ASIC2: variants seen among roughly 807,000 people sequenced by gnomAD.
ASIC2 encodes acid-sensing ion channel 2.
ASIC2 carries 25 observed loss-of-function variants against 57.3 expected under a neutral mutation model. The observed-to-expected ratio is 0.44, with a 90% CI of 0.32 to 0.61. The LOEUF (loss-of-function observed/expected upper bound fraction) is 0.61. Among genes scored for constraint, ASIC2 ranks in the 20% least tolerant of loss-of-function variants. ASIC2 has a pLI of 0.06. For missense variants in ASIC2, 641 were observed against 738.1 expected (o/e 0.87, Z 1.52); for synonymous variants, 319 against 307.5 (o/e 1.04, Z -0.39).
At chr17:33,381,012 G>C (rs558834626) in intron 1 of ASIC2, among the ~76,000 whole-genome samples, 146 of 152,306 alleles carry the variant, frequency 9.6e-4, no homozygotes, top group African/African-American at 3.4e-3. Context: ...TTTTAAAGAA[G>C]AGCTGGAATC....
chr17:33,155,159 C>A (rs950451932), intron 1 of ASIC2, among the ~76,000 whole-genome samples: 11 of 152,230 alleles, frequency 7.2e-5, no homozygotes, highest in Non-Finnish European at 1.0e-4. Context: ...GAGCCTGTAA[C>A]GCATCGAGGA....
intron 1 of ASIC2, among the ~76,000 whole-genome samples, chr17:33,500,666 A>AG (rs1914074020): frequency 2.0e-5 from 3 of 152,316 alleles, no homozygotes; most frequent in Admixed American, 2.0e-4. Flanking sequence ...GAGGATTTCC[A>AG]GGGGGCAGGG....
rs1311695452 is a variant in ASIC2 at position 33,729,992 on chromosome 17, C to T, written c.555+425986G>A. ...GATCTTCCCACACCTCACTGCCTCA[C>T]GCTAGCAAGATGTCTGGGATATTTC... On this transcript the variant is annotated intron_variant, in intron 1 of 9. Coordinates refer to the ASIC2 transcript ENST00000359872. Among the ~76,000 whole-genome samples the T allele has an allele frequency of 6.6e-5, 10 of 152,140 alleles. No individual in the cohort carries two copies. In the South Asian group the frequency reaches 8.3e-4, roughly 13 times the overall value.
At chr17:34,090,222 T>A (rs1474672566) in intron 1 of ASIC2, among the ~76,000 whole-genome samples, 1 of 152,224 alleles carries the variant, frequency 6.6e-6, no homozygotes, top group Non-Finnish European at 1.5e-5. Context: ...AGCATCCTTG[T>A]CCTTCTTCCC....
intron 1 of ASIC2, among the ~76,000 whole-genome samples, chr17:33,785,604 A>T (rs1192898047): frequency 1.3e-5 from 2 of 152,146 alleles, no homozygotes; most frequent in African/African-American, 4.8e-5. Flanking sequence ...CCTTCCCAAC[A>T]ATTTTTTAAT....
At chr17:33,868,403 CAAGA>C (rs148818124) in intron 1 of ASIC2, among the ~76,000 whole-genome samples, 124 of 152,088 alleles carry the variant, frequency 8.2e-4, no homozygotes, top group Middle Eastern at 3.4e-3. Context: ...GCCATAAGCA[CAAGA>C]ATGAAGTCAG....
intron 1 of ASIC2, among the ~76,000 whole-genome samples, chr17:33,978,981 C>T (rs1214407536): frequency 6.6e-6 from 1 of 152,150 alleles, no homozygotes; most frequent in South Asian, 2.1e-4. Flanking sequence ...CTTATTGTGT[C>T]TCCTCGGTGA....
chr17:33,940,616 T>C (rs1029039053), intron 1 of ASIC2, among the ~76,000 whole-genome samples: 15 of 152,172 alleles, frequency 9.9e-5, no homozygotes, highest in African/African-American at 3.6e-4. Context: ...GGTACAGTGC[T>C]GGAGATAAAA....
rs535160069 is a variant in ASIC2, at chr17:33,217,820, T to C, written c.708+73588A>G. Among the ~76,000 whole-genome samples, 291 of 152,362 alleles carry C rather than the reference T, an allele frequency of 1.9e-3. 1 individual carries two copies. The highest frequency in any genetic ancestry group is 3.4e-3 in the Non-Finnish European group (231 of 68,040). On this transcript the variant is annotated intron_variant, in intron 1 of 9. Transcript: ENST00000225823. ...AAAGCACCAAGTACATGGTAGGTAC[T>C]CCATGCCTGTTTCTCCTTTTCTTTC...
chr17:33,627,180 C>G (rs1410796426), intron 1 of ASIC2: 4 of 152,218 alleles, frequency 2.6e-5, no homozygotes, highest in Non-Finnish European at 4.4e-5. Flanking sequence ...AACAAGCCTC[C>G]TCATCCTTAG....
At chr17:33,554,063 A>T (rs1184924435) in intron 1 of ASIC2, among the ~76,000 whole-genome samples, 2 of 152,194 alleles carry the variant, frequency 1.3e-5, no homozygotes, top group African/African-American at 4.8e-5. Context: ...TAGGCAGTAA[A>T]CTTAGGGGAG....
intron 1 of ASIC2, among the ~76,000 whole-genome samples, chr17:33,503,579 T>C (rs1371283403): frequency 6.6e-6 from 1 of 152,150 alleles, no homozygotes; most frequent in Non-Finnish European, 1.5e-5. Flanking sequence ...TTATGCACTC[T>C]GTTGCTGGCC....
chr17:33,214,178 C>T (rs991583444), intron 1 of ASIC2, among the ~76,000 whole-genome samples: 1 of 152,222 alleles, frequency 6.6e-6, no homozygotes, highest in African/African-American at 2.4e-5. Context: ...CATCTGAGGC[C>T]TCTGCCAGCA....
intron 1 of ASIC2, among the ~76,000 whole-genome samples, chr17:33,500,191 C>A (rs1368581527): frequency 6.6e-6 from 1 of 152,172 alleles, no homozygotes; most frequent in East Asian, 1.9e-4. Flanking sequence ...ATTCGGCTGG[C>A]ACATTCTCTT....
At chr17:34,042,338 G>A (rs1908169306) in intron 1 of ASIC2, among the ~76,000 whole-genome samples, 1 of 152,048 alleles carries the variant, frequency 6.6e-6, no homozygotes, top group African/African-American at 2.4e-5. Context: ...CCATCAACAT[G>A]TGAATGATAA....
chr17:33,115,682 G>A (rs1236265401), intron 1 of ASIC2, among the ~76,000 whole-genome samples: 3 of 152,138 alleles, frequency 2.0e-5, no homozygotes, highest in Non-Finnish European at 2.9e-5. Flanking sequence ...CATTCATATC[G>A]GGACTTCTTG....
chr17:33,590,787 C>T (rs913657522), intron 1 of ASIC2, among the ~76,000 whole-genome samples: 10 of 152,200 alleles, frequency 6.6e-5, no homozygotes, highest in East Asian at 1.9e-4. Flanking sequence ...GCCAGGCTGC[C>T]GTTTTCACTT....
intron 1 of ASIC2, among the ~76,000 whole-genome samples, chr17:33,646,601 C>T (rs998101698): frequency 1.3e-5 from 2 of 152,150 alleles, no homozygotes; most frequent in African/African-American, 2.4e-5. Context: ...CACTTCTACA[C>T]CTTAGTTTCT....
At chr17:33,617,275 T>TG (rs1389485772) in intron 1 of ASIC2, among the ~76,000 whole-genome samples, 1 of 152,014 alleles carries the variant, frequency 6.6e-6, no homozygotes, top group African/African-American at 2.4e-5. Flanking sequence ...TGCCCATCAG[T>TG]GAAAAAATGT....
Sources: allele counts gnomAD v4.1 joint callset (sites outside exome capture counted in the v4.1 genomes callset), GRCh38; gene constraint gnomAD v4.1.1; transcripts MANE v1.5; gene names NCBI Gene and HGNC (gene_info 2026-07-23, HGNC 2026-07-21).